EEFSEC: variants seen among roughly 807,000 people sequenced by gnomAD.
The protein encoded by EEFSEC is eukaryotic elongation factor, selenocysteine-tRNA specific.
In EEFSEC, 43 loss-of-function variants were observed where a neutral mutation model predicts 42.1. The observed-to-expected ratio is 1.02, with a 90% confidence interval of 0.80 to 1.32. The LOEUF (loss-of-function observed/expected upper bound fraction) is 1.32, where lower values mean the gene tolerates loss of function less well. Ranked by LOEUF, EEFSEC falls within the 40% of genes most tolerant of loss-of-function variation. The pLI is 0.00. For missense variants in EEFSEC, 745 were observed against 803.6 expected (o/e 0.93, Z 0.88); for synonymous variants, 354 against 339.1 (o/e 1.04, Z -0.48).
intron 1 of EEFSEC, among the ~76,000 whole-genome samples, chr3:128,159,635 G>A (rs1944444566): frequency 2.0e-5 from 3 of 152,150 alleles, no homozygotes; most frequent in South Asian, 2.1e-4. Flanking sequence ...TCCCATCAAC[G>A]ACTGCTCCCC....
rs374233297 is a variant in EEFSEC, at chr3:128,238,536, C to T, written c.317-8300C>T. 3.9e-5 allele frequency among the ~76,000 whole-genome samples: 6 copies of T among 152,272 alleles called. 1 individual carries two copies. The highest frequency in any genetic ancestry group is 6.5e-5 in the Admixed American group (1 of 15,306). ...GGGGTTTTTTGGGGTTTTCTTTGAG[C>T]TTGCTCTGTCGCCCAGGCCAGAGTG... is the stretch of plus-strand genomic sequence containing the variant. On this transcript the variant is annotated intron_variant, in intron 1 of 6. Transcript: ENST00000254730.
chr3:128,346,228 A>C (rs534024107), intron 5 of EEFSEC, among the ~76,000 whole-genome samples: 1 of 152,210 alleles, frequency 6.6e-6, no homozygotes, highest in South Asian at 2.1e-4. Context: ...TCCAAATCTA[A>C]TAATCTTAAA....
the EEFSEC span, among the ~76,000 whole-genome samples, chr3:128,423,743 A>G: frequency 1.3e-5 from 2 of 152,168 alleles, no homozygotes; most frequent in Admixed American, 1.3e-4. Context: ...CTAAACTTAG[A>G]TTGTAGTGAT....
intron 4 of EEFSEC, among the ~76,000 whole-genome samples, chr3:128,308,804 C>G (rs901595616): frequency 3.3e-5 from 5 of 152,180 alleles, no homozygotes; most frequent in Non-Finnish European, 1.5e-5. Context: ...GGTCCTGTGC[C>G]CTAGAACCAT....
chr3:128,263,917 TTTC>T (rs1343345730), intron 3 of EEFSEC, among the ~76,000 whole-genome samples: 8 of 152,290 alleles, frequency 5.3e-5, no homozygotes, highest in Middle Eastern at 3.4e-3. Flanking sequence ...CATCCCCTTG[TTTC>T]TTCTTCTTTC....
At chr3:128,204,950 T>C (rs1454965620) in intron 1 of EEFSEC, among the ~76,000 whole-genome samples, 1 of 152,224 alleles carries the variant, frequency 6.6e-6, no homozygotes, top group East Asian at 1.9e-4. Flanking sequence ...TAGGTACTTT[T>C]GTCTGCTGCG....
At chr3:128,195,310 T>C (rs186681379) in intron 1 of EEFSEC, among the ~76,000 whole-genome samples, 12 of 152,336 alleles carry the variant, frequency 7.9e-5, no homozygotes, top group Admixed American at 3.3e-4. Flanking sequence ...TGACTTGCCA[T>C]TGCTGCACAG....
At chr3:128,277,617 G>A (rs2066482557) in intron 4 of EEFSEC, among the ~76,000 whole-genome samples, 1 of 152,230 alleles carries the variant, frequency 6.6e-6, no homozygotes, top group African/African-American at 2.4e-5. Flanking sequence ...ACCTTAGCTT[G>A]CTGTCAGCTG....
intron 4 of EEFSEC, among the ~76,000 whole-genome samples, chr3:128,301,748 G>A (rs1349720228): frequency 1.3e-5 from 2 of 152,154 alleles, no homozygotes; most frequent in East Asian, 1.9e-4. Flanking sequence ...GGGTGAGCCT[G>A]GGAATGGGGC....
intron 1 of EEFSEC, among the ~76,000 whole-genome samples, chr3:128,207,566 T>TACAC (rs10574435): frequency 0.04 from 5,727 of 142,510 alleles, 114 homozygotes; most frequent in Middle Eastern, 0.079. Flanking sequence ...ACACATTGCA[T>TACAC]ACACACACAC....
At chr3:128,219,581 C>T (rs1260295949) in intron 1 of EEFSEC, among the ~76,000 whole-genome samples, 1 of 152,196 alleles carries the variant, frequency 6.6e-6, no homozygotes, top group Non-Finnish European at 1.5e-5. Context: ...CTCATCACCT[C>T]CCACCACTTT....
At chr3:128,407,837 G>T (rs1175016726) in intron 6 of EEFSEC, among the ~76,000 whole-genome samples, 1 of 152,190 alleles carries the variant, frequency 6.6e-6, no homozygotes, top group Non-Finnish European at 1.5e-5. Flanking sequence ...TCCCTCCAGG[G>T]CCTGAGCACG....
At chr3:128,402,813 A>C (rs190013624) in intron 6 of EEFSEC, among the ~76,000 whole-genome samples, 3 of 152,160 alleles carry the variant, frequency 2.0e-5, no homozygotes, top group African/African-American at 7.2e-5. Context: ...TTTGCCCCTC[A>C]GCCCCAGCAG....
chr3:128,279,461 C>T (rs542678199), intron 4 of EEFSEC, among the ~76,000 whole-genome samples: 7 of 152,182 alleles, frequency 4.6e-5, no homozygotes, highest in Non-Finnish European at 1.0e-4. Flanking sequence ...TTATCCCTGG[C>T]GGAGAACCAG....
intron 6 of EEFSEC, among the ~76,000 whole-genome samples, chr3:128,366,630 C>G (rs1048151688): frequency 2.1e-4 from 32 of 152,350 alleles, no homozygotes; most frequent in African/African-American, 6.7e-4. Flanking sequence ...GCTAGCTCTT[C>G]TTTACCAAGC....
chr3:128,395,501 A>C (rs571559233), intron 6 of EEFSEC, among the ~76,000 whole-genome samples: 1 of 152,122 alleles, frequency 6.6e-6, no homozygotes, highest in Non-Finnish European at 1.5e-5. Context: ...CACTGCTGTC[A>C]TGGGTGGTTT....
chr3:128,393,745 C>G (rs898327703), intron 6 of EEFSEC, among the ~76,000 whole-genome samples: 1 of 152,274 alleles, frequency 6.6e-6, no homozygotes, highest in African/African-American at 2.4e-5. Context: ...CAGGGGGCTA[C>G]TGCAGAGAGC....
chr3:128,411,116 C>T (rs1391017579), downstream of EEFSEC, among the ~76,000 whole-genome samples: 2 of 152,240 alleles, frequency 1.3e-5, no homozygotes, highest in East Asian at 1.9e-4. Context: ...GGCCAGGGCG[C>T]GCAGCCTTTG....
chr3:128,418,565 C>G, the EEFSEC span, among the ~76,000 whole-genome samples: 7 of 151,618 alleles, frequency 4.6e-5, no homozygotes, highest in Non-Finnish European at 7.4e-5. Flanking sequence ...TGTCCACATA[C>G]AGCCACAGGG....
Sources: gnomAD v4.1 joint callset for allele counts (sites outside exome capture counted in the v4.1 genomes callset) on GRCh38, gnomAD v4.1.1 for gene constraint, MANE v1.5 for transcripts, NCBI Gene and HGNC (gene_info 2026-07-23, HGNC 2026-07-21) for gene names.